The following FRMD4B variants were observed in gnomAD, a reference collection of about 807,000 sequenced individuals.
FRMD4B encodes FERM domain-containing protein 4B.
FRMD4B carries 74 observed loss-of-function variants against 141.5 expected under a neutral mutation model. That is an observed-to-expected ratio of 0.52 (90% CI 0.43 to 0.63). The LOEUF (loss-of-function observed/expected upper bound fraction) is 0.63, where lower values mean the gene tolerates loss of function less well. Among genes scored for constraint, FRMD4B ranks in the 30% least tolerant of loss-of-function variants. FRMD4B has a pLI of 0.00. For synonymous variants in FRMD4B, 506 were observed against 467.9 expected, an observed-to-expected ratio of 1.08 and a Z score of -1.05; for missense variants, 1,366 against 1,253.4, an observed-to-expected ratio of 1.09 and a Z score of -1.36.
intron 1 of FRMD4B, among the ~76,000 whole-genome samples, chr3:69,509,281 C>T (rs1046732693): frequency 2.6e-5 from 4 of 152,216 alleles, no homozygotes; most frequent in Admixed American, 6.5e-5. Context: ...TCTAACTCTA[C>T]GTCTTCACTT....
At chr3:69,236,476 G>A (rs772682317) in intron 7 of FRMD4B, among the ~76,000 whole-genome samples, 6 of 151,980 alleles carry the variant, frequency 3.9e-5, no homozygotes, top group Non-Finnish European at 5.9e-5. Flanking sequence ...TGATCCGCCC[G>A]CCTTGGCCTC....
intron 1 of FRMD4B, among the ~76,000 whole-genome samples, chr3:69,440,256 A>AT (rs546082198): frequency 3.0e-4 from 45 of 152,140 alleles, no homozygotes; most frequent in Non-Finnish European, 5.3e-4. Context: ...TAAGAATCTG[A>AT]TTTTTTCTTC....
chr3:69,481,693 C>G (rs1371374699), intron 1 of FRMD4B, among the ~76,000 whole-genome samples: 1 of 152,110 alleles, frequency 6.6e-6, no homozygotes, highest in Non-Finnish European at 1.5e-5. Context: ...CATGGCAACT[C>G]TCAAGCTTCA....
intron 7 of FRMD4B, among the ~76,000 whole-genome samples, chr3:69,240,662 C>T (rs1457377514): frequency 6.6e-6 from 1 of 152,084 alleles, no homozygotes; most frequent in East Asian, 1.9e-4. Flanking sequence ...ATCCTTCTTC[C>T]TGTATGTGTG....
At chr3:69,366,380 A>G (rs1233741232) in intron 1 of FRMD4B, among the ~76,000 whole-genome samples, 1 of 152,228 alleles carries the variant, frequency 6.6e-6, no homozygotes, top group Non-Finnish European at 1.5e-5. Context: ...AATATACAAC[A>G]CTTATTAAAA....
At chr3:69,199,740 G>A (rs1255894760) in intron 11 of FRMD4B, among the ~76,000 whole-genome samples, 2 of 152,112 alleles carry the variant, frequency 1.3e-5, no homozygotes, top group East Asian at 3.9e-4. Context: ...ACTCTATTGC[G>A]GCACTCAGTG....
intron 2 of FRMD4B, among the ~76,000 whole-genome samples, chr3:69,420,045 C>T (rs749276190): frequency 3.0e-4 from 45 of 152,102 alleles, no homozygotes; most frequent in Non-Finnish European, 6.0e-4. Context: ...TCAGTGGAGA[C>T]AGGGTTTCAC....
chr3:69,398,201 T>G (rs1027960102), intron 2 of FRMD4B, among the ~76,000 whole-genome samples: 3 of 152,194 alleles, frequency 2.0e-5, no homozygotes, highest in Non-Finnish European at 2.9e-5. Context: ...TAATTTATTG[T>G]GGTGGAGGAG....
At chr3:69,314,828 C>T (rs1045258382) in intron 1 of FRMD4B, among the ~76,000 whole-genome samples, 12 of 151,672 alleles carry the variant, frequency 7.9e-5, no homozygotes, top group Non-Finnish European at 1.2e-4. Flanking sequence ...CAGAGAGACA[C>T]TTTTCCAAAA....
Position 69,181,463 on chromosome 3 carries a change from G to C in FRMD4B, c.2287C>G (p.Arg763Gly), listed in dbSNP as rs540964174. Residue 763 changes from arginine to glycine, a missense_variant, in exon 21 of 23, where the codon CGG becomes GGG. Physicochemically the swap from Arg to Gly is moderately radical, Grantham distance 125. Coordinates refer to ENST00000398540, the MANE Select transcript of FRMD4B (RefSeq NM_015123.3). ...TQTLDTRTRG[R>G]RRSKKQNVST... is the part of the protein sequence containing the mutation. ...ACATTCTGTTTCTTTGACCTCCTCC[G>C]ACCCCTGGTGCGAGTGTCCAGGGTC... The C allele has an allele frequency of 9.4e-5, 152 of 1,613,772 alleles. 1 individual carries two copies. The Admixed American group carries it at 2.4e-3, about 25-fold the overall frequency.
At chr3:69,457,405 AAGAG>A (rs891773919) in intron 1 of FRMD4B, among the ~76,000 whole-genome samples, 159 of 152,326 alleles carry the variant, frequency 1.0e-3, no homozygotes, top group African/African-American at 3.7e-3. Context: ...TGTAATAAGA[AAGAG>A]AGAAAATAAG....
chr3:69,413,945 CTTTGGGGA>C (rs933766722), intron 2 of FRMD4B, among the ~76,000 whole-genome samples: 3 of 152,028 alleles, frequency 2.0e-5, no homozygotes, highest in African/African-American at 7.2e-5. Flanking sequence ...CATTCCATGC[CTTTGGGGA>C]TTTGGAACCT....
At chr3:69,353,168 A>G (rs1380367238) in intron 1 of FRMD4B, among the ~76,000 whole-genome samples, 1 of 152,150 alleles carries the variant, frequency 6.6e-6, no homozygotes, top group African/African-American at 2.4e-5. Context: ...TACATACTTC[A>G]TATTTGCCAA....
At chr3:69,384,496 G>A (rs1266257392) in intron 1 of FRMD4B, among the ~76,000 whole-genome samples, 1 of 152,146 alleles carries the variant, frequency 6.6e-6, no homozygotes, top group Non-Finnish European at 1.5e-5. Context: ...GGAAAAAAAA[G>A]GCTTGAAAGA....
chr3:69,276,865 T>C (rs528028334), intron 5 of FRMD4B, among the ~76,000 whole-genome samples: 4 of 152,286 alleles, frequency 2.6e-5, no homozygotes, highest in Middle Eastern at 3.4e-3. Flanking sequence ...CCTGGGAGGC[T>C]GAGGCAGGAG....
intron 1 of FRMD4B, among the ~76,000 whole-genome samples, chr3:69,520,611 A>T (rs1324699066): frequency 6.6e-6 from 1 of 151,936 alleles, no homozygotes; most frequent in East Asian, 1.9e-4. Context: ...ACACCCAAGA[A>T]GAAACCCTTG....
At chr3:69,204,420 A>G (rs748108051) in intron 11 of FRMD4B, among the ~76,000 whole-genome samples, 55 of 152,152 alleles carry the variant, frequency 3.6e-4, no homozygotes, top group Non-Finnish European at 6.2e-4. Context: ...TTTAACTGCA[A>G]ATTCGCCTGG....
chr3:69,275,125 T>C (rs1410248422), intron 5 of FRMD4B, among the ~76,000 whole-genome samples: 1 of 149,214 alleles, frequency 6.7e-6, no homozygotes, highest in African/African-American at 2.6e-5. Context: ...AAGCACTTGA[T>C]CTCAACCAAA....
In FRMD4B at chr3:69,170,671, C is replaced by A. The variant is rs1249189382; in HGVS notation, c.*1190G>T. 2 of 152,064 alleles carry A rather than the reference C, an allele frequency of 1.3e-5. No individual in the cohort carries two copies. The highest frequency in any genetic ancestry group is 4.8e-5 in the African/African-American group (2 of 41,424). The allele number at this position is 152,064 out of a possible 1,614,324, so 9.4% of individuals were successfully genotyped here. A position where few individuals can be genotyped will look rare whatever the true frequency, so the allele number is the denominator to read the frequency against. On this transcript the variant is annotated 3_prime_UTR_variant, in exon 23 of 23. Coordinates refer to ENST00000398540, the MANE Select transcript of FRMD4B (RefSeq NM_015123.3). Reference sequence around the variant, plus strand: ...AAAGATCAATCTGGAATATGGAAATCATTTGCTTTAAAAAACAAACAAACA... The same window carrying A: ...AAAGATCAATCTGGAATATGGAAATAATTTGCTTTAAAAAACAAACAAACA...
Sources: allele counts gnomAD v4.1 joint callset (sites outside exome capture counted in the v4.1 genomes callset), GRCh38; gene constraint gnomAD v4.1.1; transcripts MANE v1.5; gene names NCBI Gene and HGNC (gene_info 2026-07-23, HGNC 2026-07-21).